The following FTCDNL1 variants were observed in gnomAD, a reference collection of about 807,000 sequenced individuals.
FTCDNL1 encodes formiminotransferase N-terminal subdomain-containing protein.
In FTCDNL1, 11 loss-of-function variants were observed where a neutral mutation model predicts 5.9. The ratio of observed to expected loss-of-function variants is 1.87; its 90% CI spans 1.18 to 3.10. FTCDNL1 has a LOEUF of 3.10. Among genes scored for constraint, FTCDNL1 ranks in the 30% most tolerant of loss-of-function variants. FTCDNL1 has a pLI of 0.00. For missense variants in FTCDNL1, 115 were observed against 65.5 expected, an observed-to-expected ratio of 1.76 and a Z score of -2.61; for synonymous variants, 58 against 24.8, an observed-to-expected ratio of 2.34 and a Z score of -3.99.
At chr2:199,686,790 A>G in the FTCDNL1 span, among the ~76,000 whole-genome samples, 1 of 152,306 alleles carries the variant, frequency 6.6e-6, no homozygotes, top group African/African-American at 2.4e-5. Context: ...ACAAATTTCA[A>G]TGCAATATAC....
At chr2:199,771,930 C>T (rs1377576741) in intron 3 of FTCDNL1, among the ~76,000 whole-genome samples, 1 of 152,212 alleles carries the variant, frequency 6.6e-6, no homozygotes, top group East Asian at 1.9e-4. Context: ...CCTATATATA[C>T]ATACCCATGA....
chr2:199,785,340 C>T (rs989777870), intron 3 of FTCDNL1, among the ~76,000 whole-genome samples: 5 of 137,270 alleles, frequency 3.6e-5, no homozygotes, highest in South Asian at 2.4e-4. Context: ...CTCCACCTCC[C>T]GGGTTCACGC....
At chr2:199,750,788 A>G in the FTCDNL1 span, among the ~76,000 whole-genome samples, 1 of 152,192 alleles carries the variant, frequency 6.6e-6, no homozygotes, top group African/African-American at 2.4e-5. Flanking sequence ...TAGCTACCTT[A>G]CTTGTCTGTT....
chr2:199,834,968 G>C (rs1217849002), intron 3 of FTCDNL1, among the ~76,000 whole-genome samples: 1 of 152,108 alleles, frequency 6.6e-6, no homozygotes, highest in East Asian at 1.9e-4. Context: ...GAGGCCAGGA[G>C]TTCCAGACCA....
chr2:199,843,828 T>C (rs1228437677), intron 3 of FTCDNL1, among the ~76,000 whole-genome samples: 2 of 152,130 alleles, frequency 1.3e-5, no homozygotes, highest in African/African-American at 2.4e-5. Context: ...ATTTGCCTAA[T>C]TCAAAAACAC....
chr2:199,813,912 C>CAAAAAAAA (rs397987315), intron 4 of FTCDNL1, among the ~76,000 whole-genome samples: 4 of 106,382 alleles, frequency 3.8e-5, no homozygotes, highest in African/African-American at 3.7e-5. Context: ...GACTCTGTCT[C>CAAAAAAAA]AAAAAAAAAA....
the FTCDNL1 span, among the ~76,000 whole-genome samples, chr2:199,695,763 A>G: frequency 6.6e-6 from 1 of 152,118 alleles, no homozygotes; most frequent in African/African-American, 2.4e-5. Context: ...CAGGAACAAG[A>G]CTCCAGCCTG....
rs771377328 is a variant in FTCDNL1, at chr2:199,846,138, T to C, written c.148A>G (p.Ile50Val). The change falls in exon 3 of 5, where the codon ATA becomes GTA. Residue 50 changes from isoleucine (I) to valine (V), a missense_variant. Coordinates refer to ENST00000420128, the MANE Select transcript of FTCDNL1 (RefSeq NM_001363886.2). ...KKHPQVSVLNIFSDQDYKRSV... is the reference protein window; with the variant it reads ...KKHPQVSVLNVFSDQDYKRSV... ...CTCTTGTAGTCTTGATCGGAAAATATATTGAGCACTGAAACTTGAGGATGT... is the reference window on the plus strand; with the variant it reads ...CTCTTGTAGTCTTGATCGGAAAATACATTGAGCACTGAAACTTGAGGATGT... The C allele has an allele frequency of 2.0e-5, 14 of 699,416 alleles. No individual in the cohort carries two copies. Among genetic ancestry groups the C allele is most frequent in the African/African-American group, 1.4e-4 (8 of 57,132 alleles). 43.3% of individuals were successfully genotyped at this position (699,416 alleles called of 1,614,324 possible).
At chr2:199,685,148 A>G in the FTCDNL1 span, among the ~76,000 whole-genome samples, 2 of 152,116 alleles carry the variant, frequency 1.3e-5, no homozygotes, top group Non-Finnish European at 2.9e-5. Flanking sequence ...TGGCCTGAAC[A>G]TAGAAAACCT....
At chr2:199,829,862 C>T (rs1200785349) in intron 3 of FTCDNL1, among the ~76,000 whole-genome samples, 1 of 152,184 alleles carries the variant, frequency 6.6e-6, no homozygotes, top group Admixed American at 6.6e-5. Flanking sequence ...CTGTCATTCC[C>T]TTTCCTCTAG....
intron 3 of FTCDNL1, among the ~76,000 whole-genome samples, chr2:199,835,172 G>A (rs1702642475): frequency 1.3e-5 from 2 of 152,060 alleles, no homozygotes; most frequent in Admixed American, 6.6e-5. Flanking sequence ...GCAAGTTCCT[G>A]TCTCTAAAAT....
At chr2:199,745,326 TC>T in the FTCDNL1 span, among the ~76,000 whole-genome samples, 1 of 152,218 alleles carries the variant, frequency 6.6e-6, no homozygotes, top group Non-Finnish European at 1.5e-5. Flanking sequence ...TAACCTTTAA[TC>T]AAGTAAGATT....
the FTCDNL1 span, among the ~76,000 whole-genome samples, chr2:199,685,042 T>G: frequency 1.3e-5 from 2 of 152,186 alleles, no homozygotes; most frequent in Non-Finnish European, 2.9e-5. Context: ...TAATTTGCAT[T>G]TTCTCTGTGG....
the FTCDNL1 span, among the ~76,000 whole-genome samples, chr2:199,717,999 A>C: frequency 9.4e-5 from 14 of 149,020 alleles, no homozygotes; most frequent in Admixed American, 7.4e-4. Flanking sequence ...AAAAAAAAAA[A>C]CAAAAAAAAC....
the FTCDNL1 span, among the ~76,000 whole-genome samples, chr2:199,707,378 CT>C: frequency 6.6e-6 from 1 of 151,800 alleles, no homozygotes; most frequent in Non-Finnish European, 1.5e-5. Context: ...TTAATATTTT[CT>C]ATTACTTCTT....
At chr2:199,758,348 T>G (rs1316109602), downstream of FTCDNL1, among the ~76,000 whole-genome samples, 1 of 151,708 alleles carries the variant, frequency 6.6e-6, no homozygotes, top group African/African-American at 2.4e-5. Flanking sequence ...ACTCAGGGTA[T>G]GGATATGCAA....
At chr2:199,839,115 GA>G (rs1292801907) in intron 3 of FTCDNL1, among the ~76,000 whole-genome samples, 1 of 151,752 alleles carries the variant, frequency 6.6e-6, no homozygotes, top group Admixed American at 6.6e-5. Flanking sequence ...CATCCACTCA[GA>G]ATAAGCAGCC....
chr2:199,696,078 T>C, the FTCDNL1 span, among the ~76,000 whole-genome samples: 817 of 152,264 alleles, frequency 5.4e-3, 7 homozygotes, highest in African/African-American at 0.019. Flanking sequence ...TGCCTAGCCA[T>C]TGGAGAGTTT....
the FTCDNL1 span, among the ~76,000 whole-genome samples, chr2:199,733,969 CA>C: frequency 6.6e-5 from 10 of 151,268 alleles, no homozygotes; most frequent in African/African-American, 2.2e-4. Context: ...TGTCTTCCAC[CA>C]AAAATAGTTT....
Sources: allele counts gnomAD v4.1 joint callset (sites outside exome capture counted in the v4.1 genomes callset), GRCh38; gene constraint gnomAD v4.1.1; transcripts MANE v1.5; gene names NCBI Gene and HGNC (gene_info 2026-07-23, HGNC 2026-07-21).